MACROD2: variants seen among roughly 807,000 people sequenced by gnomAD.
MACROD2 encodes the protein ADP-ribose glycohydrolase MACROD2.
Under a neutral mutation model 70.4 loss-of-function variants are expected in MACROD2, and 36 were observed. The ratio of observed to expected loss-of-function variants is 0.51; its 90% CI spans 0.39 to 0.68. The LOEUF is 0.68. MACROD2 is among the 30% of genes least tolerant of loss of function. MACROD2 has a pLI of 0.00. For missense variants in MACROD2, 496 were observed against 538.4 expected (o/e 0.92, Z 0.78); for synonymous variants, 172 against 178.8 (o/e 0.96, Z 0.30).
chr20:14,443,544 G>A lies in MACROD2; in HGVS notation c.272-49935G>A, dbSNP rs770715732. On this transcript the variant is annotated intron_variant, in intron 3 of 17. Transcript: ENST00000684519. ...ACTCCCTACCTCAGGTGATCTGCCC[G>A]CCTCGGCCTCCCAAAGTGCTGGGAT... Among the ~76,000 whole-genome samples, 10 of 152,084 alleles carry A rather than the reference G, an allele frequency of 6.6e-5. 1 individual carries two copies. The highest frequency in any genetic ancestry group is 2.1e-4 in the South Asian group (1 of 4,826).
chr20:14,968,744 A>G (rs1233131796), intron 5 of MACROD2, among the ~76,000 whole-genome samples: 1 of 152,092 alleles, frequency 6.6e-6, no homozygotes, highest in African/African-American at 2.4e-5. Context: ...CTGGCTGGGG[A>G]CCACAGTTCG....
intron 2 of MACROD2, among the ~76,000 whole-genome samples, chr20:14,079,081 A>G (rs2053954718): frequency 6.6e-6 from 1 of 152,214 alleles, no homozygotes; most frequent in South Asian, 2.1e-4. Flanking sequence ...TAATGAACAG[A>G]TGTTTAACCA....
In MACROD2 at chr20:14,531,167, T is replaced by A. The variant is rs189352582; in HGVS notation, c.301+37659T>A. On this transcript the variant is annotated intron_variant, in intron 4 of 17. Coordinates refer to ENST00000684519, the MANE Select transcript of MACROD2 (RefSeq NM_001351661.2). ...AGGCAGGTGTAGTAGATTGAAATAG[T>A]AGGATCTCAAAACATGTCCATATCC... is the stretch of plus-strand genomic sequence containing the variant. Among the ~76,000 whole-genome samples the A allele has an allele frequency of 3.2e-3, 492 of 152,296 alleles. 12 individuals carry two copies. The highest frequency in any genetic ancestry group is 3.1e-4 in the Non-Finnish European group (21 of 68,008).
At chr20:15,649,081 C>A (rs2049598788) in intron 8 of MACROD2, among the ~76,000 whole-genome samples, 1 of 65,074 alleles carries the variant, frequency 1.5e-5, no homozygotes, top group African/African-American at 6.3e-5. Flanking sequence ...CCCTCCCCTT[C>A]CCTCCCCTTC....
chr20:15,191,704 G>A (rs1471674814), intron 5 of MACROD2, among the ~76,000 whole-genome samples: 3 of 152,104 alleles, frequency 2.0e-5, no homozygotes, highest in South Asian at 2.1e-4. Flanking sequence ...ATTTTCTGTC[G>A]GCTATGAAAA....
chr20:15,137,894 G>T (rs1364404882), intron 5 of MACROD2, among the ~76,000 whole-genome samples: 1 of 152,056 alleles, frequency 6.6e-6, no homozygotes, highest in African/African-American at 2.4e-5. Flanking sequence ...TTGAGTGAGA[G>T]AGAATTCTAC....
chr20:14,130,559 AAG>A (rs2054704102), intron 3 of MACROD2, among the ~76,000 whole-genome samples: 1 of 152,148 alleles, frequency 6.6e-6, no homozygotes, highest in Admixed American at 6.5e-5. Context: ...AAAAGAAAGA[AAG>A]AAAAAGAAAA....
intron 5 of MACROD2, among the ~76,000 whole-genome samples, chr20:15,094,881 A>G (rs965084050): frequency 8.5e-5 from 13 of 152,090 alleles, no homozygotes; most frequent in African/African-American, 2.2e-4. Context: ...TGAGAGATCT[A>G]TAACAGGAAA....
chr20:14,139,636 A>C (rs1235734879), intron 3 of MACROD2, among the ~76,000 whole-genome samples: 1 of 152,234 alleles, frequency 6.6e-6, no homozygotes, highest in East Asian at 1.9e-4. Context: ...TTGAGGCTCT[A>C]CTATTTTGAG....
intron 4 of MACROD2, among the ~76,000 whole-genome samples, chr20:14,681,866 A>G (rs1423898561): frequency 6.6e-6 from 1 of 152,216 alleles, no homozygotes; most frequent in African/African-American, 2.4e-5. Context: ...GCAATATCAG[A>G]TAAATCTGGG....
chr20:14,971,380 T>C (rs1318693267), intron 5 of MACROD2, among the ~76,000 whole-genome samples: 6 of 151,918 alleles, frequency 3.9e-5, no homozygotes, highest in Non-Finnish European at 5.9e-5. Context: ...ATGGAAATGG[T>C]TTATCCAGAC....
chr20:15,658,943 C>T (rs1278813700), intron 8 of MACROD2, among the ~76,000 whole-genome samples: 2 of 152,214 alleles, frequency 1.3e-5, no homozygotes, highest in Non-Finnish European at 2.9e-5. Flanking sequence ...TGATCCAAGA[C>T]TCACTCAAGC....
intron 4 of MACROD2, among the ~76,000 whole-genome samples, chr20:14,605,594 T>A (rs1379434078): frequency 6.6e-6 from 1 of 152,140 alleles, no homozygotes; most frequent in African/African-American, 2.4e-5. Context: ...ACCCTAACTG[T>A]CACAAGATTT....
intron 3 of MACROD2, among the ~76,000 whole-genome samples, chr20:14,218,562 C>T (rs529697579): frequency 6.6e-6 from 1 of 152,066 alleles, no homozygotes; most frequent in Non-Finnish European, 1.5e-5. Flanking sequence ...TCTTTGTTGC[C>T]TGTGTACTTT....
intron 15 of MACROD2, among the ~76,000 whole-genome samples, chr20:15,999,274 C>T (rs1486015783): frequency 6.6e-6 from 1 of 151,932 alleles, no homozygotes; most frequent in African/African-American, 2.4e-5. Flanking sequence ...TATTTAATTT[C>T]CATATATTTG....
intron 8 of MACROD2, among the ~76,000 whole-genome samples, chr20:15,746,885 G>A (rs919600150): frequency 3.3e-5 from 5 of 152,076 alleles, no homozygotes; most frequent in Admixed American, 1.3e-4. Flanking sequence ...CAAGATTTTC[G>A]TCAATAGTGC....
chr20:14,437,718 A>G (rs1226617228), intron 3 of MACROD2, among the ~76,000 whole-genome samples: 1 of 152,244 alleles, frequency 6.6e-6, no homozygotes, highest in African/African-American at 2.4e-5. Flanking sequence ...AGCAATGAAT[A>G]ATAATGGTAC....
intron 8 of MACROD2, among the ~76,000 whole-genome samples, chr20:15,514,458 A>G (rs1204577435): frequency 6.6e-6 from 1 of 152,234 alleles, no homozygotes; most frequent in East Asian, 1.9e-4. Context: ...ATTACCTACA[A>G]TATGGAGAAA....
chr20:15,666,198 A>C (rs903103708), intron 8 of MACROD2, among the ~76,000 whole-genome samples: 7 of 152,212 alleles, frequency 4.6e-5, no homozygotes, highest in African/African-American at 1.4e-4. Flanking sequence ...CATATATCCC[A>C]AAAACGCAAA....
Sources: gnomAD v4.1 joint callset for allele counts (sites outside exome capture counted in the v4.1 genomes callset) on GRCh38, gnomAD v4.1.1 for gene constraint, MANE v1.5 for transcripts, NCBI Gene and HGNC (gene_info 2026-07-23, HGNC 2026-07-21) for gene names.